Variants in COL19A1 observed in about 807,000 individuals in gnomAD.
The protein encoded by COL19A1 is collagen type XIX alpha 1 chain.
In COL19A1, 159 loss-of-function variants were observed where a neutral mutation model predicts 190.2. That is an observed-to-expected ratio of 0.84 (90% CI 0.73 to 0.95). The LOEUF (loss-of-function observed/expected upper bound fraction) is 0.95, where lower values mean the gene tolerates loss of function less well. Among genes scored for constraint, COL19A1 ranks in the 40% least tolerant of loss-of-function variants. COL19A1 has a pLI of 0.00. For synonymous variants in COL19A1, 509 were observed against 458.9 expected (o/e 1.11, Z -1.39); for missense variants, 1,418 against 1,431.9 (o/e 0.99, Z 0.16).
intron 6 of COL19A1, among the ~76,000 whole-genome samples, chr6:69,931,847 A>G (rs1562010207): frequency 6.6e-6 from 1 of 151,920 alleles, no homozygotes; most frequent in East Asian, 1.9e-4. Flanking sequence ...AAAGTTATAG[A>G]TTTTTCCCCC....
At position 70,046,537 on chromosome 6, in the gene COL19A1, A is replaced by G. The variant is rs750847828; in HGVS notation, c.1170+10598A>G. On this transcript the variant is annotated intron_variant, in intron 14 of 50. Transcript: ENST00000620364. ...CCAATATTCAATTTTTTTTTAATGC[A>G]GAGTGCTGGCCAATTAGAATAAATG... 3.3e-5 allele frequency among the ~76,000 whole-genome samples: 5 copies of G among 152,192 alleles called. No individual in the cohort carries two copies. The South Asian group carries it at 8.3e-4, about 25-fold the overall frequency.
At chr6:69,894,196 C>T (rs1267088390) in intron 2 of COL19A1, among the ~76,000 whole-genome samples, 1 of 152,188 alleles carries the variant, frequency 6.6e-6, no homozygotes, top group Non-Finnish European at 1.5e-5. Flanking sequence ...TTTTCATCGA[C>T]AGTAGTTTCA....
chr6:70,044,693 T>C (rs997374203), intron 14 of COL19A1, among the ~76,000 whole-genome samples: 7 of 152,178 alleles, frequency 4.6e-5, no homozygotes, highest in African/African-American at 1.4e-4. Flanking sequence ...CTCTCTTCCC[T>C]TTCTGAAATG....
At chr6:70,010,563 A>C (rs1313842051) in intron 11 of COL19A1, among the ~76,000 whole-genome samples, 1 of 141,912 alleles carries the variant, frequency 7.0e-6, no homozygotes. Context: ...GCAAGGGGTC[A>C]GGGAGTTCCC....
In COL19A1 at chr6:70,146,817, A is replaced by G. The variant is rs1025143043; in HGVS notation, c.1821A>G (p.Glu607=). 1.3e-6 allele frequency: 2 copies of G among 1,597,436 alleles called. No homozygotes were observed. Among genetic ancestry groups the G allele is most frequent in the Admixed American group, 1.8e-5 (1 of 56,768 alleles). ...AGAAGCCTTTCATTTCACAGGGTGA[A>G]AGAGGACTTCCAGGTGTTCACGGTT... The part of the protein sequence containing the change: ...GAPGPRGPKG[E]RGLPGVHGSP... The change falls in exon 27 of 51, where the codon GAA becomes GAG. Residue 607 remains glutamate (E), a synonymous_variant. Transcript: ENST00000620364.
chr6:70,107,222 A>T (rs1228633580), intron 16 of COL19A1, among the ~76,000 whole-genome samples: 1 of 152,094 alleles, frequency 6.6e-6, no homozygotes, highest in Non-Finnish European at 1.5e-5. Context: ...TTCAACTAAG[A>T]TTATTCTTCC....
intron 23 of COL19A1, 73 bp from the exon 24 acceptor site, chr6:70,144,137 T>G: frequency 7.6e-7 from 1 of 1,314,738 alleles, no homozygotes; most frequent in Non-Finnish European, 1.1e-6. Context: ...TTGACAGAGA[T>G]TCACAGATAT....
At chr6:69,983,583 A>G (rs1776163097) in intron 11 of COL19A1, among the ~76,000 whole-genome samples, 1 of 152,140 alleles carries the variant, frequency 6.6e-6, no homozygotes, top group South Asian at 2.1e-4. Flanking sequence ...TTTTATCACT[A>G]AGTATGCTGT....
intron 16 of COL19A1, among the ~76,000 whole-genome samples, chr6:70,108,809 A>C (rs1582931041): frequency 6.6e-6 from 1 of 152,172 alleles, no homozygotes; most frequent in Non-Finnish European, 1.5e-5. Flanking sequence ...TGAAACATGT[A>C]CATTCATGTT....
intron 11 of COL19A1, among the ~76,000 whole-genome samples, chr6:69,997,026 T>TATATATATATATATAG (rs576813975): frequency 1.2e-4 from 18 of 146,896 alleles, no homozygotes; most frequent in African/African-American, 4.7e-4. Flanking sequence ...TATATATATA[T>TATATATATATATATAG]AGAGAGAGAG....
chr6:70,072,699 T>A (rs2150154742), intron 15 of COL19A1, among the ~76,000 whole-genome samples: 1 of 152,266 alleles, frequency 6.6e-6, no homozygotes, highest in Non-Finnish European at 1.5e-5. Flanking sequence ...TGAAGCTGTG[T>A]CTGGAGTCAG....
At chr6:70,030,348 G>A (rs1778985313) in intron 12 of COL19A1, among the ~76,000 whole-genome samples, 1 of 151,980 alleles carries the variant, frequency 6.6e-6, no homozygotes, top group Admixed American at 6.6e-5. Context: ...TAACATATAT[G>A]ATGGTTATAA....
chr6:70,089,216 A>G lies in COL19A1; in HGVS notation c.1225-12953A>G, dbSNP rs1478098382. On this transcript the variant is annotated intron_variant, in intron 15 of 50. Transcript: ENST00000620364. ...AAAATACTTTATTATGTGTAAGAAA[A>G]AGATCAATATAACTTTACTTAAATG... is the stretch of plus-strand genomic sequence containing the variant. Among the ~76,000 whole-genome samples the G allele has an allele frequency of 2.0e-5, 3 of 152,158 alleles. No homozygotes were observed. The East Asian group carries it at 5.8e-4, about 29-fold the overall frequency.
At chr6:70,086,935 A>C (rs76040750) in intron 15 of COL19A1, among the ~76,000 whole-genome samples, 55,283 of 152,094 alleles carry the variant, frequency 0.36, 11,718 homozygotes, top group Non-Finnish European at 0.48. Flanking sequence ...AAACCAATGG[A>C]CACAATAGAC....
intron 14 of COL19A1, among the ~76,000 whole-genome samples, chr6:70,060,837 AGGGTTCATG>A (rs1454344080): frequency 6.6e-6 from 1 of 152,152 alleles, no homozygotes; most frequent in African/African-American, 2.4e-5. Context: ...TGCCCCCATC[AGGGTTCATG>A]GAAAAATTGT....
At chr6:70,099,734 G>A (rs1783508623) in intron 15 of COL19A1, among the ~76,000 whole-genome samples, 2 of 152,290 alleles carry the variant, frequency 1.3e-5, no homozygotes, top group South Asian at 2.1e-4. Flanking sequence ...TACATTTAAT[G>A]TGAAAATATG....
At chr6:70,153,150 C>T (rs1388956887) in intron 31 of COL19A1, among the ~76,000 whole-genome samples, 1 of 152,092 alleles carries the variant, frequency 6.6e-6, no homozygotes, top group African/African-American at 2.4e-5. Context: ...CGAACAAAAT[C>T]CAAATACAGG....
In COL19A1 at chr6:70,212,125, C is replaced by T. The variant is rs1363155068; in HGVS notation, c.*4851C>T. 6.6e-6 allele frequency among the ~76,000 whole-genome samples: 1 copy of T among 152,106 alleles called. No individual in the cohort carries two copies. Among genetic ancestry groups the T allele is most frequent in the South Asian group, 2.1e-4 (1 of 4,826 alleles). On this transcript the variant is annotated 3_prime_UTR_variant, in exon 51 of 51. Coordinates refer to ENST00000620364, the MANE Select transcript of COL19A1 (RefSeq NM_001858.6). Reference sequence around the variant, plus strand: ...GTAAGTAAAGATGCTGGCTATTTTACAACTTTTTATTGTATTGTGTTATGC... The same window carrying T: ...GTAAGTAAAGATGCTGGCTATTTTATAACTTTTTATTGTATTGTGTTATGC...
intron 12 of COL19A1, among the ~76,000 whole-genome samples, chr6:70,024,607 GT>G (rs1386833465): frequency 1.5e-4 from 22 of 150,564 alleles, no homozygotes; most frequent in African/African-American, 2.9e-4. Context: ...GTGTGTGTGT[GT>G]GTGTGTGGGT....
Sources: allele counts gnomAD v4.1 joint callset (sites outside exome capture counted in the v4.1 genomes callset), GRCh38; gene constraint gnomAD v4.1.1; transcripts MANE v1.5; gene names NCBI Gene and HGNC (gene_info 2026-07-23, HGNC 2026-07-21).